MRPL11: variants seen among roughly 807,000 people sequenced by gnomAD.
MRPL11 encodes the protein mitochondrial ribosomal protein L11.
Under a neutral mutation model 19.1 loss-of-function variants are expected in MRPL11, and 21 were observed. The ratio of observed to expected loss-of-function variants is 1.10; its 90% confidence interval spans 0.78 to 1.58. The LOEUF is 1.58. MRPL11 is among the 40% of genes most tolerant of loss of function. The pLI, the probability that MRPL11 is intolerant of heterozygous loss-of-function variation, is 0.00. For synonymous variants in MRPL11, 108 were observed against 99.7 expected (o/e 1.08, Z -0.49); for missense variants, 242 against 243.9 (o/e 0.99, Z 0.05).
chr11:66,438,121 A>G, intron 2 of MRPL11, 43 bp downstream of exon 2: 1 of 1,442,646 alleles, frequency 6.9e-7, no homozygotes, highest in Non-Finnish European at 9.8e-7. Context: ...GCCGAGGAAG[A>G]ACAGAGGGAG....
At chr11:66,437,050 GAGTCCA>G in intron 4 of MRPL11, 48 bp downstream of exon 4, 3 of 1,466,212 alleles carry the variant, frequency 2.0e-6, no homozygotes, top group Non-Finnish European at 2.7e-6. Context: ...AGCTCTGCCC[GAGTCCA>G]GAGCTTTCTG....
rs747346435 is a variant in MRPL11, at chr11:66,438,733, C to T, written c.22G>A (p.Ala8Thr). 1.3e-6 allele frequency: 2 copies of T among 1,572,156 alleles called. No homozygotes were observed. The highest frequency in any genetic ancestry group is 2.3e-5 in the East Asian group (1 of 43,158). MSKLGRA[A>T]RGLRKPEVGG... is the part of the protein sequence containing the mutation. The stretch of plus-strand genomic sequence containing the variant: ...ACCTCGGGCTTCCTGAGGCCCCGGG[C>T]GGCCCGGCCGAGCTTTGACATGATG... The change falls in exon 1 of 5, where the codon GCC becomes ACC. Residue 8 changes from alanine to threonine, a missense_variant. Coordinates refer to ENST00000310999, the MANE Select transcript of MRPL11 (RefSeq NM_016050.5).
rs564664360 is a variant in MRPL11, at chr11:66,436,904, C to T, written c.473+200G>A. The stretch of plus-strand genomic sequence containing the variant: ...TCCATTTCTTAGAACATTTGCAGAA[C>T]AACGTCTAATACATAACAGGTGCCC... On this transcript the variant is annotated intron_variant, in intron 4 of 4. Transcript: ENST00000310999. The T allele has an allele frequency of 2.5e-6, 4 of 1,613,882 alleles. No homozygotes were observed. In the African/African-American group the frequency reaches 4.0e-5, roughly 16 times the overall value.
chr11:66,435,979 T>C lies in MRPL11; in HGVS notation c.*28A>G, dbSNP rs773822115. 1.3e-6 allele frequency: 2 copies of C among 1,581,118 alleles called. No homozygotes were observed. Among genetic ancestry groups the C allele is most frequent in the Non-Finnish European group, 1.7e-6 (2 of 1,151,704 alleles). Reference sequence around the variant, plus strand: ...GCACAGCTTTTGCAACTACCTCCTTTGAAATCTGGGAGTTGGTGGGGCAAG... The same window carrying C: ...GCACAGCTTTTGCAACTACCTCCTTCGAAATCTGGGAGTTGGTGGGGCAAG... On this transcript the variant is annotated 3_prime_UTR_variant, in exon 5 of 5. Transcript: ENST00000310999.
At chr11:66,437,517 C>T (rs1370708146) in intron 2 of MRPL11, 74 bp from the exon 3 acceptor site, 1 of 1,355,170 alleles carries the variant, frequency 7.4e-7, no homozygotes, top group Non-Finnish European at 1.0e-6. Flanking sequence ...TGTCTTGCCC[C>T]CTGCTTCCTT....
At chr11:66,436,875 T>C (rs781659525) in intron 4 of MRPL11, 3 of 1,614,152 alleles carry the variant, frequency 1.9e-6, no homozygotes, top group Non-Finnish European at 2.5e-6. Context: ...TTCATGGAGA[T>C]CTTTCCATTT....
intron 1 of MRPL11, 129 bp from the exon 2 acceptor site, chr11:66,438,388 C>A (rs1035461910): frequency 5.6e-6 from 5 of 888,500 alleles, no homozygotes; most frequent in African/African-American, 1.7e-5. Context: ...TTCAACTACC[C>A]CTCCGTGAGC....
In MRPL11 at chr11:66,437,088, A is replaced by G. The variant is rs202097583; in HGVS notation, c.473+16T>C. 566 of 1,612,654 alleles carry G rather than the reference A, an allele frequency of 3.5e-4. 2 individuals carry two copies. In the East Asian group the frequency reaches 6.5e-3, roughly 18 times the overall value. Reference sequence around the variant, plus strand: ...TCTGGGCCCTCTCGTCACACTGCACATGCCAGGATACTTACTCCTTCACCA... The same window carrying G: ...TCTGGGCCCTCTCGTCACACTGCACGTGCCAGGATACTTACTCCTTCACCA... On this transcript the variant is annotated intron_variant, in intron 4 of 4. Coordinates refer to ENST00000310999, the MANE Select transcript of MRPL11 (RefSeq NM_016050.5).
chr11:66,438,289 G>T, intron 1 of MRPL11, 30 bp from the exon 2 acceptor site: 1 of 1,539,948 alleles, frequency 6.5e-7, no homozygotes, highest in Non-Finnish European at 9.0e-7. Context: ...GGTTAGTGGT[G>T]AGAGGAGGGG....
intron 2 of MRPL11, among the ~76,000 whole-genome samples, chr11:66,437,818 G>A (rs551974475): frequency 4.1e-4 from 63 of 152,270 alleles, no homozygotes; most frequent in African/African-American, 1.2e-3. Flanking sequence ...AGATTGCAGT[G>A]AGCGGAGATC....
intron 4 of MRPL11, chr11:66,436,715 C>T (rs1590702392): frequency 1.2e-6 from 1 of 832,056 alleles, no homozygotes. Flanking sequence ...CATCCGAAGC[C>T]CCATGACAGG....
rs1379685633 is a variant in MRPL11 at position 66,438,167 on chromosome 11, C to T, written c.216G>A (p.Val72=). The change falls in exon 2 of 5, where the codon GTG becomes GTA. Residue 72 remains valine, a synonymous_variant. Transcript: ENST00000310999. ...EGIPLPTKIL[V]KPDRTFEIKI... ...GGGATCAGAGTCCAGACTCCACCTTCACTAAAATCTTGGTAGGCAGAGGAA... is the reference window on the plus strand; with the variant it reads ...GGGATCAGAGTCCAGACTCCACCTTTACTAAAATCTTGGTAGGCAGAGGAA... The T allele has an allele frequency of 3.7e-6, 6 of 1,610,310 alleles. No individual in the cohort carries two copies. Among genetic ancestry groups the T allele is most frequent in the Admixed American group, 1.7e-5 (1 of 59,998 alleles).
chr11:66,436,176 C>G, intron 4 of MRPL11, 64 bp from the exon 5 acceptor site: 1 of 1,428,224 alleles, frequency 7.0e-7, no homozygotes. Flanking sequence ...TCACAGGACC[C>G]TATGTCTTGC....
intron 4 of MRPL11, chr11:66,436,753 T>C (rs1856978142): frequency 1.6e-6 from 2 of 1,256,934 alleles, no homozygotes; most frequent in Non-Finnish European, 1.2e-6. Context: ...GGAGCAAGCA[T>C]GAACCTGACA....
chr11:66,438,108 A>T, intron 2 of MRPL11, 56 bp downstream of exon 2: 1 of 1,307,480 alleles, frequency 7.6e-7, no homozygotes. Flanking sequence ...GACCAGTCCC[A>T]GGGCCGAGGA....
Position 66,438,552 on chromosome 11 carries a change from C to T in MRPL11, c.123+80G>A, listed in dbSNP as rs943401438. 2.0e-6 allele frequency: 3 copies of T among 1,480,864 alleles called. No homozygotes were observed. In the African/African-American group the frequency reaches 4.2e-5, roughly 21 times the overall value. The allele number at this position is 1,480,864 out of a possible 1,614,324, so 91.7% of individuals were successfully genotyped here. A position where few individuals can be genotyped will look rare whatever the true frequency, so the allele number is the denominator to read the frequency against. On this transcript the variant is annotated intron_variant, in intron 1 of 4. Transcript: ENST00000310999. ...CTCTGAACCGAGGCCCGGGTGGTTC[C>T]AGGGCCAGCGCCCTCCATCCGCGTC...
In MRPL11 at chr11:66,438,163, C is replaced by T. The variant is rs374559125; in HGVS notation, c.219+1G>A. The T allele has an allele frequency of 1.2e-5, 19 of 1,608,284 alleles. No homozygotes were observed. The South Asian group carries it at 1.6e-4, about 14-fold the overall frequency. ...ACCAGGGATCAGAGTCCAGACTCCA[C>T]CTTCACTAAAATCTTGGTAGGCAGA... On this transcript the variant is annotated splice_donor_variant, in intron 2 of 4. Coordinates refer to ENST00000310999, the MANE Select transcript of MRPL11 (RefSeq NM_016050.5). LOFTEE classifies it high-confidence loss of function.
chr11:66,437,513 G>T lies in MRPL11; in HGVS notation c.220-70C>A, dbSNP rs572017337. ...CATCCCAGGGAACTTCTAATGTCTT[G>T]CCCCCTGCTTCCTTCATCTCACTTT... On this transcript the variant is annotated intron_variant, in intron 2 of 4. Coordinates refer to ENST00000310999, the MANE Select transcript of MRPL11 (RefSeq NM_016050.5). The T allele has an allele frequency of 6.1e-4, 843 of 1,387,738 alleles. 2 individuals carry two copies. Among genetic ancestry groups the T allele is most frequent in the Admixed American group, 1.2e-3 (65 of 54,204 alleles). 86.0% of individuals were successfully genotyped at this position (1,387,738 alleles called of 1,614,324 possible). A position where few individuals can be genotyped will look rare whatever the true frequency, so the allele number is the denominator to read the frequency against.
At chr11:66,437,745 G>A (rs190308239) in intron 2 of MRPL11, among the ~76,000 whole-genome samples, 3,451 of 152,218 alleles carry the variant, frequency 0.023, 136 homozygotes, top group African/African-American at 0.078. Context: ...GTGGTGGCGG[G>A]CGCCTGTAAT....
Sources: allele counts gnomAD v4.1 joint callset (sites outside exome capture counted in the v4.1 genomes callset), GRCh38; gene constraint gnomAD v4.1.1; transcripts MANE v1.5; gene names NCBI Gene and HGNC (gene_info 2026-07-23, HGNC 2026-07-21).